AR: variants seen among roughly 807,000 people sequenced by gnomAD.
The protein encoded by AR is dihydrotestosterone receptor.
A neutral mutation model predicts 53.9 loss-of-function variants in AR; 8 were observed. The observed-to-expected ratio is 0.15, with a 90% CI of 0.09 to 0.27. The LOEUF (loss-of-function observed/expected upper bound fraction) is 0.27. Among genes scored for constraint, AR ranks in the 10% least tolerant of loss-of-function variants. The pLI, the probability that AR is intolerant of heterozygous loss-of-function variation, is 1.00. For synonymous variants in AR, 359 were observed against 316.4 expected, an observed-to-expected ratio of 1.13 and a Z score of -1.43; for missense variants, 639 against 742.5, an observed-to-expected ratio of 0.86 and a Z score of 1.62.
chrX:67,563,539 C>T (rs980516503), intron 1 of AR, among the ~76,000 whole-genome samples: 2 of 111,641 alleles, frequency 1.8e-5, no homozygotes, highest in African/African-American at 3.3e-5. Flanking sequence ...CTTGGGAAAA[C>T]GCTAGACTCT....
chrX:67,552,321 A>C (rs928750588), intron 1 of AR, among the ~76,000 whole-genome samples: 6 of 112,312 alleles, frequency 5.3e-5, no homozygotes, highest in Non-Finnish European at 1.1e-4. Context: ...TATGTTTTCA[A>C]GGTCATCCAT....
chrX:67,639,797 G>T (rs1209800532), intron 1 of AR, among the ~76,000 whole-genome samples: 2 of 111,379 alleles, frequency 1.8e-5, no homozygotes, highest in Non-Finnish European at 3.8e-5. Flanking sequence ...TTTCCTATTT[G>T]AATATCCTTT....
chrX:67,691,161 C>T (rs1742121261), intron 3 of AR, among the ~76,000 whole-genome samples: 1 of 112,007 alleles, frequency 8.9e-6, no homozygotes, highest in Non-Finnish European at 1.9e-5. Context: ...AGAGAAATTT[C>T]TAGCATCAAA....
intron 1 of AR, among the ~76,000 whole-genome samples, chrX:67,590,617 A>C (rs1922786062): frequency 8.9e-6 from 1 of 111,802 alleles, no homozygotes; most frequent in African/African-American, 3.2e-5. Flanking sequence ...TATTATCTCA[A>C]CTCTTCTATT....
chrX:67,597,280 A>G (rs1359793663), intron 1 of AR, among the ~76,000 whole-genome samples: 1 of 111,535 alleles, frequency 9.0e-6, no homozygotes, highest in Non-Finnish European at 1.9e-5. Flanking sequence ...CCTTACAGAA[A>G]AGGCAATAGG....
At chrX:67,653,934 TA>T (rs776637706) in intron 2 of AR, among the ~76,000 whole-genome samples, 1 of 111,309 alleles carries the variant, frequency 9.0e-6, no homozygotes, top group Non-Finnish European at 1.9e-5. Flanking sequence ...TAAAGTATAA[TA>T]AAAAAATTAA....
chrX:67,721,649 AG>A (rs1199964586), intron 5 of AR, among the ~76,000 whole-genome samples, 183 bp from the exon 6 acceptor site: 4 of 111,686 alleles, frequency 3.6e-5, no homozygotes, highest in Non-Finnish European at 7.5e-5. Flanking sequence ...AAACAGAGAG[AG>A]AAAAAAAACA....
chrX:67,676,486 G>A (rs1312989242), intron 2 of AR, among the ~76,000 whole-genome samples: 2 of 112,217 alleles, frequency 1.8e-5, no homozygotes, highest in Non-Finnish European at 3.8e-5. Context: ...GACAATTATT[G>A]TCTCCCAACA....
rs72092334 is a variant in AR, at chrX:67,604,198, A to ATGTGTGTGTGTGTGTGTGTGTG, written c.1617-39032_1617-39011dup. On this transcript the variant is annotated intron_variant, in intron 1 of 7. Transcript: ENST00000374690. Reference sequence around the variant, plus strand: ...AGAAGGTCAGAAGCTGGGGAGAAATATGTGTGTGTGTGTGTGTGTGTGTGT... The same window carrying ATGTGTGTGTGTGTGTGTGTGTG: ...AGAAGGTCAGAAGCTGGGGAGAAATATGTGTGTGTGTGTGTGTGTGTGTGTGTGTGTGTGTGTGTGTGTGTGT... Among the ~76,000 whole-genome samples, 29 of 78,141 alleles carry ATGTGTGTGTGTGTGTGTGTGTG rather than the reference A, an allele frequency of 3.7e-4. 1 individual carries two copies. The highest frequency in any genetic ancestry group is 1.3e-3 in the African/African-American group (26 of 20,486). 67.9% of individuals were successfully genotyped at this position (78,141 alleles called of 115,157 possible).
At chrX:67,646,337 G>T (rs1331687541) in intron 2 of AR, among the ~76,000 whole-genome samples, 1 of 110,852 alleles carries the variant, frequency 9.0e-6, no homozygotes, top group Admixed American at 9.6e-5. Flanking sequence ...TGGGGTGAGG[G>T]TGAGGCTGGG....
At chrX:67,602,489 G>C (rs1341030174) in intron 1 of AR, among the ~76,000 whole-genome samples, 1 of 112,354 alleles carries the variant, frequency 8.9e-6, no homozygotes, top group Non-Finnish European at 1.9e-5. Flanking sequence ...AAAGCAGAGG[G>C]TTTGGGTATT....
chrX:67,630,333 G>T (rs1242503610), intron 1 of AR, among the ~76,000 whole-genome samples: 1 of 111,495 alleles, frequency 9.0e-6, no homozygotes, highest in African/African-American at 3.3e-5. Flanking sequence ...TGTATTGGGT[G>T]CATATATATT....
chrX:67,589,596 A>C (rs1922731199), intron 1 of AR, among the ~76,000 whole-genome samples: 1 of 111,862 alleles, frequency 8.9e-6, no homozygotes, highest in Non-Finnish European at 1.9e-5. Context: ...ATACATTTTG[A>C]GGGCAGACTC....
In AR at chrX:67,726,709, C is replaced by A. The variant is rs1280395918; in HGVS notation, c.*2868C>A. On this transcript the variant is annotated 3_prime_UTR_variant, in exon 8 of 8. Coordinates refer to ENST00000374690, the MANE Select transcript of AR (RefSeq NM_000044.6). ...GAACAAAGGAGATTTTAGCTTGGCTCTGTTCTCCCATGGATGAAAGGAGGA... is the reference window on the plus strand; with the variant it reads ...GAACAAAGGAGATTTTAGCTTGGCTATGTTCTCCCATGGATGAAAGGAGGA... 5.7e-6 allele frequency: 1 copy of A among 175,626 alleles called. No individual in the cohort carries two copies. The highest frequency in any genetic ancestry group is 1.1e-5 in the Non-Finnish European group (1 of 91,652). The allele number at this position is 175,626 out of a possible 1,213,427, so 14.5% of individuals were successfully genotyped here. A position where few individuals can be genotyped will look rare whatever the true frequency, so the allele number is the denominator to read the frequency against.
intron 2 of AR, among the ~76,000 whole-genome samples, chrX:67,682,703 A>G (rs929891138): frequency 1.8e-5 from 2 of 111,947 alleles, no homozygotes; most frequent in South Asian, 3.7e-4. Flanking sequence ...AAATAATAGG[A>G]AAGAAATAAT....
rs777404430 is a variant in AR, at chrX:67,674,177, CTT to C, written c.1769-11831_1769-11830del. On this transcript the variant is annotated intron_variant, in intron 2 of 7. Transcript: ENST00000374690. ...AAATAGAGTCTCTCTCTCTCTCTCTCTTTCTCTCTCTCTCTCTCCCTCTCATT... is the reference window on the plus strand; with the variant it reads ...AAATAGAGTCTCTCTCTCTCTCTCTCTCTCTCTCTCTCTCTCCCTCTCATT... Among the ~76,000 whole-genome samples, 742 of 109,543 alleles carry C rather than the reference CTT, an allele frequency of 6.8e-3. 4 individuals are homozygous for C. The highest frequency in any genetic ancestry group is 0.024 in the African/African-American group (722 of 30,022).
rs772358993 is a variant in AR at position 67,638,453 on chromosome X, G to A, written c.1617-4803G>A. Among the ~76,000 whole-genome samples, 9 of 111,819 alleles carry A rather than the reference G, an allele frequency of 8.0e-5. 1 individual carries two copies. In the South Asian group the frequency reaches 1.5e-3, roughly 19 times the overall value. On this transcript the variant is annotated intron_variant, in intron 1 of 7. Transcript: ENST00000374690. Reference sequence around the variant, plus strand: ...ACACTCCCACCAACAATGTAAAAGCGTTCCTATTTCTTCACATCCTCTCCA... The same window carrying A: ...ACACTCCCACCAACAATGTAAAAGCATTCCTATTTCTTCACATCCTCTCCA...
chrX:67,585,643 G>T (rs1041334262), intron 1 of AR, among the ~76,000 whole-genome samples: 2 of 112,127 alleles, frequency 1.8e-5, no homozygotes, highest in Non-Finnish European at 3.8e-5. Context: ...ATGCCAGATT[G>T]CTCCATAACC....
At chrX:67,694,303 T>A (rs1446840097) in intron 3 of AR, among the ~76,000 whole-genome samples, 1 of 110,344 alleles carries the variant, frequency 9.1e-6, no homozygotes, top group African/African-American at 3.3e-5. Flanking sequence ...ACTTAAATTC[T>A]ACCTCCCTTC....
Sources: allele counts gnomAD v4.1 joint callset (sites outside exome capture counted in the v4.1 genomes callset), GRCh38; gene constraint gnomAD v4.1.1; transcripts MANE v1.5; gene names NCBI Gene and HGNC (gene_info 2026-07-23, HGNC 2026-07-21).